NELFA: variants seen among roughly 807,000 people sequenced by gnomAD.
NELFA encodes the protein negative elongation factor A.
A neutral mutation model predicts 51.8 loss-of-function variants in NELFA; 35 were observed. That is an observed-to-expected ratio of 0.68 (90% CI 0.52 to 0.90). The LOEUF (loss-of-function observed/expected upper bound fraction) is 0.90. Ranked by LOEUF, NELFA falls within the 40% of genes least tolerant of loss-of-function variation. The probability of loss-of-function intolerance (pLI) is 0.00; values close to 1 mark genes in which losing one functional copy is unlikely to be tolerated. For synonymous variants in NELFA, 417 were observed against 338.4 expected, an observed-to-expected ratio of 1.23 and a Z score of -2.55; for missense variants, 658 against 746.4, an observed-to-expected ratio of 0.88 and a Z score of 1.38.
chr4:1,998,571 C>T (rs2109064680), intron 1 of NELFA, among the ~76,000 whole-genome samples: 1 of 152,136 alleles, frequency 6.6e-6, no homozygotes. Flanking sequence ...CACCACCTTA[C>T]TGAAATAAGA....
At position 1,986,252 on chromosome 4, in the gene NELFA, G is replaced by C. The variant is rs1274541012; in HGVS notation, c.765+20C>G. On this transcript the variant is annotated intron_variant, in intron 5 of 10. Transcript: ENST00000382882. ...CGCAACGGGCCCCGGGGTGCCACAG[G>C]AGCTGGGGGACGGGCCTACCTTCAC... is the stretch of plus-strand genomic sequence containing the variant. 1 of 1,571,848 alleles carries C rather than the reference G, an allele frequency of 6.4e-7. No homozygotes were observed. The highest frequency in any genetic ancestry group is 8.6e-7 in the Non-Finnish European group (1 of 1,158,422).
In NELFA at chr4:1,997,826, G is replaced by A. The variant is rs529365058; in HGVS notation, c.211-6111C>T. ...TCCTGCTCCCTATGTCACCCAACTA[G>A]GTGAGACCCTCCAACAGGGGTTGTC... On this transcript the variant is annotated intron_variant, in intron 1 of 10. Coordinates refer to ENST00000382882, the MANE Select transcript of NELFA (RefSeq NM_005663.5). 6.6e-5 allele frequency among the ~76,000 whole-genome samples: 10 copies of A among 152,252 alleles called. No individual in the cohort carries two copies. In the South Asian group the frequency reaches 2.1e-3, roughly 32 times the overall value.
At position 1,983,702 on chromosome 4, in the gene NELFA, C is replaced by T. The variant is rs367797499; in HGVS notation, c.1303-7G>A. On this transcript the variant is annotated splice_polypyrimidine_tract_variant and splice_region_variant and intron_variant, in intron 9 of 10. Coordinates refer to ENST00000382882, the MANE Select transcript of NELFA (RefSeq NM_005663.5). ...CAGCGAACATCTGCTCTCTCTACAG[C>T]GGGGAGAGGGGTGTGGGTGCCAGGG... 216 of 1,613,082 alleles carry T rather than the reference C, an allele frequency of 1.3e-4. 1 individual carries two copies. The highest frequency in any genetic ancestry group is 1.3e-3 in the South Asian group (120 of 91,054).
chr4:1,990,169 G>C (rs1728230621), intron 2 of NELFA: 1 of 452,574 alleles, frequency 2.2e-6, no homozygotes, highest in Non-Finnish European at 4.1e-6. Context: ...TTCCTGGAGG[G>C]CTCCAGACAC....
chr4:1,983,663 G>T lies in NELFA; in HGVS notation c.1335C>A (p.Phe445Leu). 1 of 1,614,050 alleles carries T rather than the reference G, an allele frequency of 6.2e-7. No homozygotes were observed. Among genetic ancestry groups the T allele is most frequent in the South Asian group, 1.1e-5 (1 of 91,062 alleles). Reference sequence around the variant, plus strand: ...GCCGCGTGACTTTGTTGGCCGTCTTGAACATCTCCTGGGCAGCGAACATCT... The same window carrying T: ...GCCGCGTGACTTTGTTGGCCGTCTTTAACATCTCCTGGGCAGCGAACATCT... ...REQMFAAQEM[F>L]KTANKVTRPE... Residue 445 changes from phenylalanine (F) to leucine (L), a missense_variant, in exon 10 of 11, where the codon TTC (phenylalanine) becomes TTA (leucine). By Grantham distance (22) the Phe-to-Leu change is conservative. Around this residue, in one of 3 missense-constraint regions of NELFA, gnomAD observed 87 missense variants for 130.2 expected, o/e 0.67. Coordinates refer to ENST00000382882, the MANE Select transcript of NELFA (RefSeq NM_005663.5).
intron 2 of NELFA, among the ~76,000 whole-genome samples, chr4:1,990,850 G>C (rs143050244): frequency 6.6e-6 from 1 of 152,244 alleles, no homozygotes; most frequent in Non-Finnish European, 1.5e-5. Flanking sequence ...ACCCAGGCTG[G>C]AGTGCAGTGG....
At chr4:2,008,141 C>T (rs1728760651) in intron 1 of NELFA, 14 of 429,638 alleles carry the variant, frequency 3.3e-5, no homozygotes, top group South Asian at 2.3e-4. Flanking sequence ...CTCTCGGGAT[C>T]CCCGCCCTCG....
intron 2 of NELFA, 35 bp downstream of exon 2, chr4:1,991,509 C>T (rs199846344): frequency 3.1e-6 from 5 of 1,600,278 alleles, no homozygotes; most frequent in Middle Eastern, 1.7e-4. Context: ...ATCCATTTCC[C>T]TCCACCCAAC....
intron 4 of NELFA, 36 bp from the exon 5 acceptor site, chr4:1,986,438 T>C (rs2109055556): frequency 6.2e-7 from 1 of 1,608,874 alleles, no homozygotes; most frequent in Non-Finnish European, 8.5e-7. Context: ...CCAGCAGCAG[T>C]GACCGGCAAA....
chr4:1,990,398 G>A (rs572598111), intron 2 of NELFA: 25 of 456,734 alleles, frequency 5.5e-5, no homozygotes, highest in African/African-American at 5.0e-4. Flanking sequence ...CCTCCCACCT[G>A]AACTGGCTAC....
chr4:1,990,499 G>A (rs995751921), intron 2 of NELFA: 10 of 456,598 alleles, frequency 2.2e-5, no homozygotes, highest in South Asian at 7.7e-5. Flanking sequence ...AGACACGAAC[G>A]GGTGGGGTGG....
At position 1,985,786 on chromosome 4, in the gene NELFA, A is replaced by G. The variant is rs764956945; in HGVS notation, c.914T>C (p.Val305Ala). 6.2e-7 allele frequency: 1 copy of G among 1,613,032 alleles called. No individual in the cohort carries two copies. The highest frequency in any genetic ancestry group is 1.1e-5 in the South Asian group (1 of 90,990). Reference sequence around the variant, plus strand: ...AGCCCCGAGCCCTACCTGCGTGGACACCAGGCCGGCTGCGTAGTCCGGGGT... The same window carrying G: ...AGCCCCGAGCCCTACCTGCGTGGACGCCAGGCCGGCTGCGTAGTCCGGGGT... ...NATPDYAAGL[V>A]STQKLGSLNN... is the part of the protein sequence containing the mutation. Residue 305 changes from valine (V) to alanine (A), a missense_variant, in exon 7 of 11, where the codon GTG becomes GCG. This residue lies in a region of NELFA where 371 missense variants were observed against 448.3 expected (regional missense o/e 0.83). Coordinates refer to ENST00000382882, the MANE Select transcript of NELFA (RefSeq NM_005663.5).
chr4:1,987,416 CACAAATCAGG>C (rs1728137339), intron 4 of NELFA: 1 of 154,810 alleles, frequency 6.5e-6, no homozygotes, highest in African/African-American at 2.4e-5. Context: ...GCCCTGAGAG[CACAAATCAGG>C]AAGGGCAGAT....
In NELFA at chr4:1,989,780, G is replaced by A; in HGVS notation, c.472C>T (p.Pro158Ser). The A allele has an allele frequency of 6.2e-7, 1 of 1,614,222 alleles. No homozygotes were observed. The highest frequency in any genetic ancestry group is 8.5e-7 in the Non-Finnish European group (1 of 1,180,046). ...ALTTLAGPLTPPVKHFQLKRK... is the reference protein window; with the variant it reads ...ALTTLAGPLTSPVKHFQLKRK... ...TTTAACTGAAAATGCTTCACCGGGG[G>A]AGTGAGGGGTCCCGCGAGGGTCGTC... Residue 158 changes from proline (P) to serine (S), a missense_variant, in exon 3 of 11, where the codon CCC becomes TCC. Around this residue, in one of 3 missense-constraint regions of NELFA, gnomAD observed 371 missense variants for 448.3 expected, o/e 0.83. Coordinates refer to ENST00000382882, the MANE Select transcript of NELFA (RefSeq NM_005663.5). The surrounding 1 kb of genome is among the most constrained non-coding windows in gnomAD (Gnocchi z 4.8).
At chr4:1,992,222 C>G (rs909103881) in intron 1 of NELFA, 1 of 234,192 alleles carries the variant, frequency 4.3e-6, no homozygotes, top group African/African-American at 2.4e-5. Context: ...CCCGTGACAG[C>G]TGAGCTGGTG....
At chr4:2,008,591 G>A (rs1728776673) in intron 1 of NELFA, among the ~76,000 whole-genome samples, 159 bp downstream of exon 1, 1 of 140,224 alleles carries the variant, frequency 7.1e-6, no homozygotes, top group Non-Finnish European at 1.6e-5. Context: ...GTATTCGGAG[G>A]AGCGAGGAGG....
chr4:1,988,096 G>A (rs558851580), intron 3 of NELFA, 89 bp from the exon 4 acceptor site: 9 of 1,152,792 alleles, frequency 7.8e-6, no homozygotes, highest in Admixed American at 4.4e-5. Context: ...GGATTCATCC[G>A]ACGGCCTGAG....
chr4:2,007,094 CAGCTACTCAGGAG>C (rs1451387828), intron 1 of NELFA: 1 of 395,552 alleles, frequency 2.5e-6, no homozygotes, highest in Non-Finnish European at 5.2e-6. Flanking sequence ...CCTGTAGTCC[CAGCTACTCAGGAG>C]GCTGAGATGG....
chr4:1,995,473 A>C (rs926123076), intron 1 of NELFA, among the ~76,000 whole-genome samples: 2 of 152,260 alleles, frequency 1.3e-5, no homozygotes, highest in African/African-American at 4.8e-5. Context: ...AAGATAAATT[A>C]GAATGTCTTA....
Sources: allele counts gnomAD v4.1 joint callset (sites outside exome capture counted in the v4.1 genomes callset), GRCh38; gene constraint gnomAD v4.1.1; regional missense constraint gnomAD v4.1.1; non-coding constraint Gnocchi (gnomAD v3.1); transcripts MANE v1.5; gene names NCBI Gene and HGNC (gene_info 2026-07-23, HGNC 2026-07-21).